SMG5: variants seen among roughly 807,000 people sequenced by gnomAD.
SMG5 encodes nonsense-mediated mRNA decay factor SMG5.
SMG5 carries 53 observed loss-of-function variants against 122.9 expected under a neutral mutation model. That is an observed-to-expected ratio of 0.43 (90% CI 0.35 to 0.54). The LOEUF (loss-of-function observed/expected upper bound fraction) is 0.54, where lower values mean the gene tolerates loss of function less well. SMG5 is among the 20% of genes least tolerant of loss of function. The pLI is 0.01. For missense variants in SMG5, 1,153 were observed against 1,285.6 expected, an observed-to-expected ratio of 0.90 and a Z score of 1.58; for synonymous variants, 477 against 490.2, an observed-to-expected ratio of 0.97 and a Z score of 0.35.
chr1:156,262,530 G>C (rs1558236658), intron 13 of SMG5, among the ~76,000 whole-genome samples: 1 of 150,784 alleles, frequency 6.6e-6, no homozygotes, highest in African/African-American at 2.4e-5. Context: ...AGGACTTTCT[G>C]GATCTTGGCA....
Position 156,261,783 on chromosome 1 carries a change from G to C in SMG5, c.2032-375C>G, listed in dbSNP as rs557053617. On this transcript the variant is annotated intron_variant, in intron 13 of 21. Coordinates refer to ENST00000361813, the MANE Select transcript of SMG5 (RefSeq NM_015327.3). ...CAGGTGCCTATAATCCCAGCTACTC[G>C]GGAGGCTGAGGCAGGAGAATCGCTT... Among the ~76,000 whole-genome samples the C allele has an allele frequency of 1.4e-4, 22 of 151,794 alleles. No homozygotes were observed. The South Asian group carries it at 2.5e-3, about 17-fold the overall frequency.
chr1:156,261,503 A>G, intron 13 of SMG5, 95 bp from the exon 14 acceptor site: 3 of 980,584 alleles, frequency 3.1e-6, no homozygotes, highest in African/African-American at 1.6e-5. Flanking sequence ...GATCTGGCCT[A>G]TGTTCAGAGG....
chr1:156,277,403 A>C (rs180679297), intron 3 of SMG5, among the ~76,000 whole-genome samples, 162 bp from the exon 4 acceptor site: 1 of 151,796 alleles, frequency 6.6e-6, no homozygotes, highest in East Asian at 1.9e-4. Context: ...TGATCTTTCC[A>C]TCTGGGACCA....
chr1:156,250,719 G>C (rs1049260339), intron 21 of SMG5, 49 bp from the exon 22 acceptor site: 1 of 1,606,166 alleles, frequency 6.2e-7, no homozygotes, highest in Non-Finnish European at 8.5e-7. Context: ...CTCCTGAACT[G>C]AAGAGCAAAT....
rs761744079 is a variant in SMG5 at position 156,265,918 on chromosome 1, T to C, written c.1718A>G (p.Gln573Arg). 1 of 1,614,174 alleles carries C rather than the reference T, an allele frequency of 6.2e-7. No homozygotes were observed. The highest frequency in any genetic ancestry group is 1.1e-5 in the South Asian group (1 of 91,076). The change falls in exon 12 of 22, where the codon CAG becomes CGG. Residue 573 changes from glutamine (Q) to arginine (R), a missense_variant. By Grantham distance (43) the Gln-to-Arg change is conservative. Around this residue, in one of 5 missense-constraint regions of SMG5, gnomAD observed 631 missense variants for 650.6 expected, o/e 0.97. Transcript: ENST00000361813. ...IASNLQAMST[Q>R]MFQTKRCFRL... is the part of the protein sequence containing the mutation. ...GAAGCAGCGCTTAGTCTGGAACATCTGGGTGGACATGGCTTGTAGATTGCT... is the reference window on the plus strand; with the variant it reads ...GAAGCAGCGCTTAGTCTGGAACATCCGGGTGGACATGGCTTGTAGATTGCT...
chr1:156,263,371 G>T (rs1327648013), intron 13 of SMG5, 24 bp downstream of exon 13: 2 of 1,597,032 alleles, frequency 1.3e-6, no homozygotes, highest in African/African-American at 2.7e-5. Flanking sequence ...GACCTGACAG[G>T]GGCAATGGAG....
intron 16 of SMG5, among the ~76,000 whole-genome samples, chr1:156,256,483 CTGCAGAAATCAAGCCAATGAGT>C (rs1461953618): frequency 6.6e-6 from 1 of 152,052 alleles, no homozygotes; most frequent in African/African-American, 2.4e-5. Flanking sequence ...CCTCTTCCCA[CTGCAGAAATCAAGCCAATGAGT>C]TGCTTTTAGA....
In SMG5 at chr1:156,267,560, A is replaced by C; in HGVS notation, c.1027T>G (p.Tyr343Asp). The change falls in exon 10 of 22, where the codon TAT becomes GAT. Residue 343 changes from tyrosine to aspartate, a missense_variant. This residue lies in a region of SMG5 where 631 missense variants were observed against 650.6 expected (regional missense o/e 0.97). Transcript: ENST00000361813. ...LSLASEDEEEYESGYAFLPDL... is the reference protein window; with the variant it reads ...LSLASEDEEEDESGYAFLPDL... The stretch of plus-strand genomic sequence containing the variant: ...GGGAGGAAAGCATATCCACTCTCAT[A>C]CTCCTCCTCATCCTCACTGGCCAGG... 6.2e-7 allele frequency: 1 copy of C among 1,613,856 alleles called. No homozygotes were observed. Among genetic ancestry groups the C allele is most frequent in the Non-Finnish European group, 8.5e-7 (1 of 1,179,968 alleles).
intron 12 of SMG5, 54 bp from the exon 13 acceptor site, chr1:156,263,624 G>T: frequency 6.3e-7 from 1 of 1,580,722 alleles, no homozygotes; most frequent in South Asian, 1.2e-5. Context: ...ACTGACACTT[G>T]GGAACAGGCC....
the SMG5 span, chr1:156,290,893 C>A: frequency 1.1e-5 from 1 of 87,090 alleles, no homozygotes; most frequent in Non-Finnish European, 2.1e-5. Flanking sequence ...AATATTGATG[C>A]CTGGGGTGGG....
chr1:156,282,832 T>C (rs1415805034), upstream of SMG5: 3 of 753,648 alleles, frequency 4.0e-6, no homozygotes, highest in South Asian at 1.9e-5. Flanking sequence ...CGACAGCTCC[T>C]CCTCCGCCTG....
chr1:156,287,467 A>G (rs1329196389), upstream of SMG5, among the ~76,000 whole-genome samples: 1 of 152,136 alleles, frequency 6.6e-6, no homozygotes, highest in African/African-American at 2.4e-5. Flanking sequence ...TGAGGTCTCA[A>G]GGTTGGGGGG....
At position 156,266,380 on chromosome 1, in the gene SMG5, T is replaced by C. The variant is rs571601288; in HGVS notation, c.1256A>G (p.Asp419Gly). The C allele has an allele frequency of 2.9e-5, 47 of 1,609,900 alleles. No homozygotes were observed. In the Admixed American group the frequency reaches 7.9e-4, roughly 27 times the overall value. ...CACAGGTTCCTTGGACTCTGGTTCA[T>C]CTGCGGAAAGAGGAAGGTCAGGTGG... is the stretch of plus-strand genomic sequence containing the variant. ...PVPAFQSDGT[D>G]EPESKEPVEK... is the part of the protein sequence containing the mutation. The change falls in exon 12 of 22, where the codon GAT (aspartate) becomes GGT (glycine). Residue 419 changes from aspartate (D) to glycine (G), a missense_variant and splice_region_variant. By Grantham distance (94) the Asp-to-Gly change is moderately conservative. Transcript: ENST00000361813.
intron 12 of SMG5, among the ~76,000 whole-genome samples, chr1:156,265,072 C>A (rs948363920): frequency 6.8e-6 from 1 of 147,734 alleles, no homozygotes; most frequent in African/African-American, 2.5e-5. Flanking sequence ...CACACACACA[C>A]AAAAGCCGGG....
Position 156,282,736 on chromosome 1 carries a change from C to G in SMG5, c.-56G>C. 2 of 1,529,874 alleles carry G rather than the reference C, an allele frequency of 1.3e-6. No individual in the cohort carries two copies. The highest frequency in any genetic ancestry group is 1.8e-6 in the Non-Finnish European group (2 of 1,137,410). The allele number at this position is 1,529,874 out of a possible 1,614,324, so 94.8% of individuals were successfully genotyped here. A position where few individuals can be genotyped will look rare whatever the true frequency, so the allele number is the denominator to read the frequency against. ...ACAGGCCCCTGCCACCCACCACTAC[C>G]GCCAACACTGCCGTCTCCGGCCGTA... On this transcript the variant is annotated 5_prime_UTR_variant, in exon 1 of 22. Coordinates refer to ENST00000361813, the MANE Select transcript of SMG5 (RefSeq NM_015327.3).
At chr1:156,258,594 G>A (rs1023806165) in intron 16 of SMG5, among the ~76,000 whole-genome samples, 5 of 152,130 alleles carry the variant, frequency 3.3e-5, no homozygotes, top group Non-Finnish European at 7.4e-5. Flanking sequence ...GCAAGAGATC[G>A]AGACCATCCT....
At position 156,282,767 on chromosome 1, in the gene SMG5, A is replaced by C; in HGVS notation, c.-87T>G. On this transcript the variant is annotated 5_prime_UTR_variant, in exon 1 of 22. Transcript: ENST00000361813. The stretch of plus-strand genomic sequence containing the variant: ...CACTGCCGTCTCCGGCCGTAGCCGC[A>C]GCCGCCGCCGCCACCGGCCCTGCTC... The C allele has an allele frequency of 1.4e-6, 2 of 1,401,636 alleles. No individual in the cohort carries two copies. The highest frequency in any genetic ancestry group is 2.6e-5 in the East Asian group (1 of 38,634). The allele number at this position is 1,401,636 out of a possible 1,614,324, so 86.8% of individuals were successfully genotyped here. A position where few individuals can be genotyped will look rare whatever the true frequency, so the allele number is the denominator to read the frequency against.
chr1:156,268,282 C>G lies in SMG5; in HGVS notation c.839+8G>C. 6.2e-7 allele frequency: 1 copy of G among 1,614,186 alleles called. No individual in the cohort carries two copies. The highest frequency in any genetic ancestry group is 8.5e-7 in the Non-Finnish European group (1 of 1,180,026). ...AAAAAACCCGTCCTCCTCACAGGCC[C>G]CACTCACCGCTTTTTGCCAGGAGAC... On this transcript the variant is annotated splice_region_variant and intron_variant, in intron 8 of 21. Coordinates refer to ENST00000361813, the MANE Select transcript of SMG5 (RefSeq NM_015327.3).
At chr1:156,257,421 G>A (rs1215648896) in intron 16 of SMG5, among the ~76,000 whole-genome samples, 1 of 152,106 alleles carries the variant, frequency 6.6e-6, no homozygotes, top group African/African-American at 2.4e-5. Context: ...AGAGGAGGCA[G>A]CCCCAGCAAG....
Sources: gnomAD v4.1 joint callset for allele counts (sites outside exome capture counted in the v4.1 genomes callset) on GRCh38, gnomAD v4.1.1 for gene constraint, gnomAD v4.1.1 regional missense constraint, MANE v1.5 for transcripts, NCBI Gene and HGNC (gene_info 2026-07-23, HGNC 2026-07-21) for gene names.